CPAMD8: variants seen among roughly 807,000 people sequenced by gnomAD.
CPAMD8 encodes the protein C3 and PZP-like alpha-2-macroglobulin domain-containing protein 8.
A neutral mutation model predicts 224.7 loss-of-function variants in CPAMD8; 146 were observed. The ratio of observed to expected loss-of-function variants is 0.65; its 90% CI spans 0.57 to 0.75. The LOEUF (loss-of-function observed/expected upper bound fraction) is 0.75, where lower values mean the gene tolerates loss of function less well. Ranked by LOEUF, CPAMD8 falls within the 30% of genes least tolerant of loss-of-function variation. The pLI is 0.00. For synonymous variants in CPAMD8, 966 were observed against 1,044.6 expected (o/e 0.92, Z 1.45); for missense variants, 2,301 against 2,537.5 (o/e 0.91, Z 2.00).
At chr19:16,938,358 T>G (rs1307077398) in intron 23 of CPAMD8, 37 bp downstream of exon 23, 1 of 1,310,100 alleles carries the variant, frequency 7.6e-7, no homozygotes, top group Non-Finnish European at 1.0e-6. Flanking sequence ...CCCAGCCAGG[T>G]GGCCACACCT....
chr19:16,945,708 A>G, intron 21 of CPAMD8, 29 bp from the exon 22 acceptor site: 1 of 1,612,534 alleles, frequency 6.2e-7, no homozygotes, highest in African/African-American at 1.3e-5. Context: ...TTGGTCTCAG[A>G]ACAGGTCTCC....
chr19:16,982,823 T>C (rs978664764), intron 13 of CPAMD8, among the ~76,000 whole-genome samples: 5 of 152,056 alleles, frequency 3.3e-5, no homozygotes, highest in African/African-American at 7.2e-5. Flanking sequence ...TCGGGTGCTA[T>C]GGTTTGGCTG....
At chr19:16,993,977 C>A (rs952335575) in intron 11 of CPAMD8, among the ~76,000 whole-genome samples, 2 of 152,138 alleles carry the variant, frequency 1.3e-5, no homozygotes, top group African/African-American at 4.8e-5. Context: ...GTGGCATGCA[C>A]CTATAGCCCC....
intron 31 of CPAMD8, 42 bp downstream of exon 31, chr19:16,904,424 G>T: frequency 6.2e-7 from 1 of 1,613,896 alleles, no homozygotes. Flanking sequence ...GTGCATGGAG[G>T]TATGGCCAAG....
At chr19:16,977,619 A>G in intron 14 of CPAMD8, 79 bp from the exon 15 acceptor site, 1 of 1,145,706 alleles carries the variant, frequency 8.7e-7, no homozygotes, top group Admixed American at 2.7e-5. Flanking sequence ...GCTCTGCCCC[A>G]ATTTGCCCTG....
intron 11 of CPAMD8, among the ~76,000 whole-genome samples, chr19:16,996,817 TAAAAAAAAAAAA>T (rs11332531): frequency 9.2e-6 from 1 of 108,352 alleles, no homozygotes; most frequent in Non-Finnish European, 1.9e-5. Context: ...TGACTATCTC[TAAAAAAAAAAAA>T]AAAAAAAAAG....
chr19:16,975,345 C>A, intron 16 of CPAMD8, 87 bp from the exon 17 acceptor site: 1 of 1,045,474 alleles, frequency 9.6e-7, no homozygotes. Context: ...TGCTCCCATC[C>A]CAACCTCTTT....
At chr19:16,925,446 G>T in intron 25 of CPAMD8, 74 bp from the exon 26 acceptor site, 1 of 1,242,514 alleles carries the variant, frequency 8.0e-7, no homozygotes. Context: ...CTTTACCCAG[G>T]GATGGGAGAC....
chr19:17,021,890 TC>T, intron 2 of CPAMD8, 139 bp downstream of exon 2: 1 of 348,168 alleles, frequency 2.9e-6, no homozygotes, highest in Non-Finnish European at 5.7e-6. Flanking sequence ...CTGTCTTCCC[TC>T]CCTCCCTCCC....
chr19:16,945,438 G>C, intron 22 of CPAMD8, 111 bp downstream of exon 22: 1 of 1,444,954 alleles, frequency 6.9e-7, no homozygotes, highest in East Asian at 2.4e-5. Context: ...AACCCGTGAA[G>C]GCTGCCCAGG....
intron 29 of CPAMD8, 146 bp from the exon 30 acceptor site, chr19:16,907,263 C>T: frequency 3.1e-6 from 3 of 957,776 alleles, no homozygotes; most frequent in Non-Finnish European, 4.1e-6. Context: ...TCACTGCCTG[C>T]AGACCCAATT....
chr19:16,983,688 C>T (rs542449447), intron 13 of CPAMD8, among the ~76,000 whole-genome samples: 1 of 152,256 alleles, frequency 6.6e-6, no homozygotes, highest in South Asian at 2.1e-4. Context: ...GACCAGAAAA[C>T]AAGGCCATGA....
intron 7 of CPAMD8, among the ~76,000 whole-genome samples, chr19:17,008,183 A>G (rs2056545485): frequency 6.6e-6 from 1 of 152,222 alleles, no homozygotes; most frequent in Admixed American, 6.5e-5. Context: ...AATAAAAAAC[A>G]AGGTGAGAGC....
chr19:16,938,564 T>C, intron 22 of CPAMD8, 118 bp from the exon 23 acceptor site: 1 of 630,934 alleles, frequency 1.6e-6, no homozygotes, highest in Non-Finnish European at 2.8e-6. Flanking sequence ...TAATTGTGCT[T>C]CCAGGTTTTA....
At chr19:16,989,854 C>T in intron 12 of CPAMD8, 83 bp from the exon 13 acceptor site, 1 of 1,305,556 alleles carries the variant, frequency 7.7e-7, no homozygotes, top group Non-Finnish European at 1.1e-6. Context: ...TTGCTCTGCC[C>T]AGAAGAAACA....
chr19:16,907,244 C>T (rs977693887), intron 29 of CPAMD8, 127 bp from the exon 30 acceptor site: 20 of 1,181,478 alleles, frequency 1.7e-5, no homozygotes, highest in Non-Finnish European at 2.2e-5. Flanking sequence ...TTGCATCCTT[C>T]TGTGGCTCTC....
At chr19:16,946,868 A>G (rs923768770) in intron 21 of CPAMD8, among the ~76,000 whole-genome samples, 5 of 152,100 alleles carry the variant, frequency 3.3e-5, no homozygotes, top group Non-Finnish European at 5.9e-5. Flanking sequence ...AGCTCCCCCA[A>G]CAGGTGAGAC....
chr19:16,940,304 A>G (rs968307512), intron 22 of CPAMD8, among the ~76,000 whole-genome samples: 2 of 152,114 alleles, frequency 1.3e-5, no homozygotes, highest in African/African-American at 2.4e-5. Flanking sequence ...TATCCTACAG[A>G]TGTATGTGTG....
intron 3 of CPAMD8, among the ~76,000 whole-genome samples, chr19:17,018,227 A>G (rs1337481452): frequency 6.6e-6 from 1 of 152,206 alleles, no homozygotes; most frequent in Non-Finnish European, 1.5e-5. Flanking sequence ...GTTAAGGAAT[A>G]GCTAACCCCC....
Sources: allele counts gnomAD v4.1 joint callset (sites outside exome capture counted in the v4.1 genomes callset), GRCh38; gene constraint gnomAD v4.1.1; transcripts MANE v1.5; gene names NCBI Gene and HGNC (gene_info 2026-07-23, HGNC 2026-07-21).